SBNO2: variants seen among roughly 807,000 people sequenced by gnomAD.
SBNO2 encodes the protein protein strawberry notch homolog 2.
Under a neutral mutation model 146.3 loss-of-function variants are expected in SBNO2, and 89 were observed. The ratio of observed to expected loss-of-function variants is 0.61; its 90% CI spans 0.51 to 0.73. The LOEUF is 0.73. Among genes scored for constraint, SBNO2 ranks in the 30% least tolerant of loss-of-function variants. The probability of loss-of-function intolerance (pLI) is 0.00; values close to 1 mark genes in which losing one functional copy is unlikely to be tolerated. For missense variants in SBNO2, 2,092 were observed against 2,003.7 expected (o/e 1.04, Z -0.84); for synonymous variants, 1,147 against 892.6 (o/e 1.29, Z -5.08).
chr19:1,107,814 T>G lies in SBNO2; in HGVS notation c.*406A>C. 1.3e-5 allele frequency: 2 copies of G among 155,026 alleles called. No individual in the cohort carries two copies. The highest frequency in any genetic ancestry group is 2.9e-5 in the Non-Finnish European group (2 of 69,634). 9.6% of individuals were successfully genotyped at this position (155,026 alleles called of 1,614,324 possible). A position where few individuals can be genotyped will look rare whatever the true frequency, so the allele number is the denominator to read the frequency against. On this transcript the variant is annotated 3_prime_UTR_variant, in exon 32 of 32. Coordinates refer to ENST00000361757, the MANE Select transcript of SBNO2 (RefSeq NM_014963.3). ...AAGGGCTGGGGGAGGGAGAATTGCA[T>G]ATATTAGCAGGGGTCTGCCCCACGG...
Position 1,112,217 on chromosome 19 carries a change from G to C in SBNO2, c.2600C>G (p.Ser867Cys), listed in dbSNP as rs753659702. 1 of 1,590,288 alleles carries C rather than the reference G, an allele frequency of 6.3e-7. No homozygotes were observed. Among genetic ancestry groups the C allele is most frequent in the Non-Finnish European group, 8.6e-7 (1 of 1,168,744 alleles). Residue 867 changes from serine to cysteine, a missense_variant, in exon 22 of 32, where the codon TCC (serine) becomes TGC (cysteine). Transcript: ENST00000361757. This position sits in a 1 kb window ranked among gnomAD's most constrained non-coding sequence, Gnocchi z 5.9. ...SELAGERRFA[S>C]IVAKRLESLG... ...ACTCTCCAGGCGCTTGGCCACGATG[G>C]AGGCGAACCGGCGCTCCCCGGCCAG...
chr19:1,113,386 C>T, intron 19 of SBNO2, 149 bp downstream of exon 19: 1 of 731,346 alleles, frequency 1.4e-6, no homozygotes, highest in Non-Finnish European at 2.1e-6. Context: ...ACGCTGCTGC[C>T]CCAGGGCTCC....
chr19:1,168,147 G>T (rs145420641), intron 1 of SBNO2, among the ~76,000 whole-genome samples: 1 of 152,212 alleles, frequency 6.6e-6, no homozygotes, highest in Non-Finnish European at 1.5e-5. Context: ...GCAGCCCCTG[G>T]TGTTCCAAAG....
rs1043156264 is a variant in SBNO2 at position 1,119,224 on chromosome 19, G to A, written c.1374-60C>T. On this transcript the variant is annotated intron_variant, in intron 13 of 31. Coordinates refer to ENST00000361757, the MANE Select transcript of SBNO2 (RefSeq NM_014963.3). The stretch of plus-strand genomic sequence containing the variant: ...GAGCCCGTGGGGATGGAGCCACTCG[G>A]AGCGCGAGGCAGAGCCAGTCGCAGA... The A allele has an allele frequency of 2.0e-5, 30 of 1,536,636 alleles. No individual in the cohort carries two copies. In the Admixed American group the frequency reaches 5.4e-4, roughly 28 times the overall value.
Position 1,119,055 on chromosome 19 carries a change from G to C in SBNO2, c.1483C>G (p.Leu495Val), listed in dbSNP as rs750982740. 1.0e-4 allele frequency: 162 copies of C among 1,605,472 alleles called. No homozygotes were observed. The highest frequency in any genetic ancestry group is 1.3e-4 in the Non-Finnish European group (154 of 1,177,448). The change falls in exon 14 of 32, where the codon CTG becomes GTG. Residue 495 changes from leucine (L) to valine (V), a missense_variant. By Grantham distance (32) the Leu-to-Val change is conservative. Transcript: ENST00000361757. ...TAGACGCACTCGAAGGCTGGGGCCAGCGGGATCTCCTCGATGCGGAAGGTG... is the reference window on the plus strand; with the variant it reads ...TAGACGCACTCGAAGGCTGGGGCCACCGGGATCTCCTCGATGCGGAAGGTG... ...GVTFRIEEIP[L>V]APAFECVYNR... is the part of the protein sequence containing the mutation.
At chr19:1,119,656 G>C in intron 12 of SBNO2, 35 bp from the exon 13 acceptor site, 1 of 1,553,952 alleles carries the variant, frequency 6.4e-7, no homozygotes, top group Non-Finnish European at 8.8e-7. Context: ...TCCCCAACCC[G>C]GGAGGGCCCA....
intron 4 of SBNO2, chr19:1,132,141 G>T: frequency 1.3e-6 from 2 of 1,496,460 alleles, no homozygotes; most frequent in Non-Finnish European, 1.8e-6. Context: ...ACATGGTCCC[G>T]GCGCTCGGGG....
In SBNO2 at chr19:1,110,895, G is replaced by C. The variant is rs371838446; in HGVS notation, c.2885-7C>G. ...AACTTGGTGATGGAACAGTCTGGTA[G>C]GGGAGGGAGCCAAGCCTCAGGCTGC... On this transcript the variant is annotated splice_region_variant and splice_polypyrimidine_tract_variant and intron_variant, in intron 25 of 31. Transcript: ENST00000361757. The surrounding 1 kb of genome is among the most constrained non-coding windows in gnomAD (Gnocchi z 4.9). 117 of 1,613,184 alleles carry C rather than the reference G, an allele frequency of 7.3e-5. No individual in the cohort carries two copies. The highest frequency in any genetic ancestry group is 8.3e-5 in the Admixed American group (5 of 59,972).
At chr19:1,155,364 C>A (rs888880031) in intron 1 of SBNO2, among the ~76,000 whole-genome samples, 4 of 152,180 alleles carry the variant, frequency 2.6e-5, no homozygotes, top group Non-Finnish European at 4.4e-5. Context: ...GTCCCAGAGA[C>A]CAGATGGAGG....
chr19:1,163,280 G>A (rs943526697), intron 1 of SBNO2, among the ~76,000 whole-genome samples: 7 of 152,196 alleles, frequency 4.6e-5, no homozygotes, highest in African/African-American at 1.2e-4. Context: ...CCCACACATC[G>A]GGAGACGGCC....
At position 1,154,355 on chromosome 19, in the gene SBNO2, T is replaced by A. The variant is rs111723714; in HGVS notation, c.-79A>T. On this transcript the variant is annotated 5_prime_UTR_variant, in exon 2 of 32. Coordinates refer to ENST00000361757, the MANE Select transcript of SBNO2 (RefSeq NM_014963.3). ...GGACCCGGGGCCGCCGGGGCGTCTA[T>A]CTGGGCTTCTCGCTCCGTGGTGGCG... 7.3e-3 allele frequency: 5,282 copies of A among 726,074 alleles called. 23 individuals are homozygous for A. Among genetic ancestry groups the A allele is most frequent in the African/African-American group, 0.021 (1,147 of 54,602 alleles). 45.0% of individuals were successfully genotyped at this position (726,074 alleles called of 1,614,324 possible).
At chr19:1,132,195 C>A in intron 4 of SBNO2, 1 of 1,374,432 alleles carries the variant, frequency 7.3e-7, no homozygotes, top group African/African-American at 1.5e-5. Context: ...GCGGCTCCCT[C>A]ATGACCGCGG....
At position 1,144,551 on chromosome 19, in the gene SBNO2, T is replaced by C. The variant is rs188582760; in HGVS notation, c.279+2758A>G. On this transcript the variant is annotated intron_variant, in intron 4 of 31. Transcript: ENST00000361757. The surrounding 1 kb of genome is among the most constrained non-coding windows in gnomAD (Gnocchi z 4.1). ...GGAGACGGAGACAGAGACAGAGACA[T>C]GGAGAGAGACAGAGACAGGGAGACA... 1.4e-5 allele frequency among the ~76,000 whole-genome samples: 2 copies of C among 145,630 alleles called. No homozygotes were observed. Among genetic ancestry groups the C allele is most frequent in the Non-Finnish European group, 3.0e-5 (2 of 66,018 alleles).
At position 1,119,898 on chromosome 19, in the gene SBNO2, C is replaced by T. The variant is rs1263330098; in HGVS notation, c.1267+8G>A. The T allele has an allele frequency of 9.7e-6, 15 of 1,538,664 alleles. No homozygotes were observed. The highest frequency in any genetic ancestry group is 4.1e-5 in the African/African-American group (3 of 72,850). On this transcript the variant is annotated splice_region_variant and intron_variant, in intron 12 of 31. Coordinates refer to ENST00000361757, the MANE Select transcript of SBNO2 (RefSeq NM_014963.3). ...CGGGTGGGTCACGTGGGATCCGCAC[C>T]GCCCCACCTGTGGCGCTGGCGTAGA...
chr19:1,118,403 GA>G (rs952668353), intron 14 of SBNO2, among the ~76,000 whole-genome samples: 42 of 152,086 alleles, frequency 2.8e-4, no homozygotes, highest in African/African-American at 6.5e-4. Context: ...GAGAAAACAG[GA>G]CCTGTCCAAA....
At chr19:1,116,657 G>A (rs2079835443) in intron 16 of SBNO2, among the ~76,000 whole-genome samples, 172 bp downstream of exon 16, 1 of 152,106 alleles carries the variant, frequency 6.6e-6, no homozygotes, top group South Asian at 2.1e-4. Context: ...CTCTGCTTTA[G>A]ACCTGGAGCA....
intron 4 of SBNO2, chr19:1,128,105 C>T: frequency 1.9e-6 from 1 of 517,428 alleles, no homozygotes; most frequent in Non-Finnish European, 3.7e-6. Context: ...CGTGAGCCAC[C>T]ATGTGACAGA....
rs1466653047 is a variant in SBNO2, at chr19:1,119,454, T to C, written c.1373+62A>G. The stretch of plus-strand genomic sequence containing the variant: ...GTGGCAGTGCCAGGCCTTGGGCTGA[T>C]GGGCCTGAGGCCTCCTCCCCACCCC... On this transcript the variant is annotated intron_variant, in intron 13 of 31. Transcript: ENST00000361757. The C allele has an allele frequency of 3.8e-6, 5 of 1,314,410 alleles. No individual in the cohort carries two copies. In the Admixed American group the frequency reaches 8.3e-5, roughly 22 times the overall value. 81.4% of individuals were successfully genotyped at this position (1,314,410 alleles called of 1,614,324 possible). A position where few individuals can be genotyped will look rare whatever the true frequency, so the allele number is the denominator to read the frequency against.
intron 17 of SBNO2, among the ~76,000 whole-genome samples, chr19:1,114,708 C>T (rs915588615): frequency 1.3e-5 from 2 of 152,212 alleles, no homozygotes; most frequent in South Asian, 2.1e-4. Flanking sequence ...GGTGGCATCT[C>T]ACTGCACTCT....
Sources: gnomAD v4.1 joint callset for allele counts (sites outside exome capture counted in the v4.1 genomes callset) on GRCh38, gnomAD v4.1.1 for gene constraint, Gnocchi (gnomAD v3.1) non-coding constraint, MANE v1.5 for transcripts, NCBI Gene and HGNC (gene_info 2026-07-23, HGNC 2026-07-21) for gene names.